The following TRPC4 variants were observed in gnomAD, a reference collection of about 807,000 sequenced individuals.
TRPC4 encodes transient receptor potential cation channel subfamily C member 4, also known as short transient receptor potential channel 4.
A neutral mutation model predicts 99.4 loss-of-function variants in TRPC4; 49 were observed. That is an observed-to-expected ratio of 0.49 (90% CI 0.39 to 0.63). The LOEUF (loss-of-function observed/expected upper bound fraction) is 0.63. TRPC4 is among the 20% of genes least tolerant of loss of function. The pLI is 0.00. For missense variants in TRPC4, 898 were observed against 1,152.9 expected (o/e 0.78, Z 3.20); for synonymous variants, 454 against 425.9 (o/e 1.07, Z -0.81).
intron 1 of TRPC4, among the ~76,000 whole-genome samples, chr13:37,796,404 A>C (rs1321052400): frequency 6.6e-6 from 1 of 152,132 alleles, no homozygotes; most frequent in Non-Finnish European, 1.5e-5. Context: ...TATGTTCGCT[A>C]CCTGATGCTC....
intron 2 of TRPC4, among the ~76,000 whole-genome samples, chr13:37,759,150 T>C (rs1394727341): frequency 6.6e-6 from 1 of 151,782 alleles, no homozygotes; most frequent in Non-Finnish European, 1.5e-5. Context: ...AAAGTTTATA[T>C]GTGAAAAGTT....
chr13:37,827,212 G>A (rs1566202337), intron 1 of TRPC4, among the ~76,000 whole-genome samples: 1 of 151,844 alleles, frequency 6.6e-6, no homozygotes, highest in Non-Finnish European at 1.5e-5. Context: ...TTTGACTTTG[G>A]TTTCAATGTC....
intron 1 of TRPC4, among the ~76,000 whole-genome samples, chr13:37,809,524 T>G (rs1490942818): frequency 6.6e-6 from 1 of 151,168 alleles, no homozygotes; most frequent in Non-Finnish European, 1.5e-5. Context: ...ACTACCAGAG[T>G]AATTCCACCT....
intron 1 of TRPC4, among the ~76,000 whole-genome samples, chr13:37,862,915 A>G (rs918861341): frequency 2.0e-5 from 3 of 151,478 alleles, no homozygotes; most frequent in Admixed American, 2.0e-4. Flanking sequence ...AACTATATAC[A>G]TGACGGTGGG....
intron 2 of TRPC4, among the ~76,000 whole-genome samples, chr13:37,749,430 G>C (rs1004279868): frequency 2.0e-5 from 3 of 152,110 alleles, no homozygotes; most frequent in Admixed American, 6.6e-5. Context: ...GCTGGTCATA[G>C]ATTGTTAGAC....
intron 2 of TRPC4, among the ~76,000 whole-genome samples, chr13:37,755,520 C>T (rs1316461844): frequency 6.6e-6 from 1 of 151,918 alleles, no homozygotes; most frequent in African/African-American, 2.4e-5. Context: ...GATCCCACCT[C>T]CCCTCAGCCT....
chr13:37,676,327 G>C (rs1953048732), intron 4 of TRPC4, among the ~76,000 whole-genome samples: 1 of 148,242 alleles, frequency 6.7e-6, no homozygotes, highest in Non-Finnish European at 1.5e-5. Context: ...AAGTAAGACT[G>C]ACAGCAAACT....
At chr13:37,837,632 T>C (rs566345684) in intron 1 of TRPC4, among the ~76,000 whole-genome samples, 1 of 152,320 alleles carries the variant, frequency 6.6e-6, no homozygotes, top group South Asian at 2.1e-4. Flanking sequence ...ATTTAGGAAA[T>C]AACTAAGCTG....
intron 4 of TRPC4, among the ~76,000 whole-genome samples, chr13:37,675,373 G>A (rs142163388): frequency 0.013 from 1,956 of 152,278 alleles, 25 homozygotes; most frequent in Non-Finnish European, 0.018. Flanking sequence ...CTGCGGCAGA[G>A]TATGCAAGGA....
intron 4 of TRPC4, 107 bp from the exon 5 acceptor site, chr13:37,674,474 G>A (rs1225060096): frequency 8.3e-7 from 1 of 1,207,946 alleles, no homozygotes; most frequent in Non-Finnish European, 1.1e-6. Context: ...AGACCACATT[G>A]TTACACTAAA....
chr13:37,827,857 G>GCC (rs1958287688), intron 1 of TRPC4, among the ~76,000 whole-genome samples: 1 of 152,196 alleles, frequency 6.6e-6, no homozygotes, highest in African/African-American at 2.4e-5. Context: ...AATGGCGGGT[G>GCC]CCCCTCCCCT....
At chr13:37,642,418 A>G (rs1159264754) in intron 8 of TRPC4, among the ~76,000 whole-genome samples, 1 of 152,004 alleles carries the variant, frequency 6.6e-6, no homozygotes, top group Non-Finnish European at 1.5e-5. Flanking sequence ...CTGAGAAGCC[A>G]CTCTGATTTG....
At chr13:37,722,377 CA>C (rs35088140) in intron 3 of TRPC4, among the ~76,000 whole-genome samples, 1 of 152,032 alleles carries the variant, frequency 6.6e-6, no homozygotes, top group East Asian at 1.9e-4. Context: ...TTTGGCAGGG[CA>C]AAAAAGGCTT....
Position 37,692,031 on chromosome 13 carries a change from ATGGT to A in TRPC4, c.1198_1201del (p.Thr400SerfsTer5). 1.2e-6 allele frequency: 2 copies of A among 1,613,986 alleles called. No homozygotes were observed. Among genetic ancestry groups the A allele is most frequent in the Non-Finnish European group, 1.7e-6 (2 of 1,179,888 alleles). On this transcript the variant is annotated frameshift_variant, in exon 4 of 11. Transcript: ENST00000379705. LOFTEE classifies it high-confidence loss of function. ...CCACGGTAATATCATCCACTCGACGATGGTTGGTGGTGGACCTTGCCTGTTCAAG... is the reference window on the plus strand; with the variant it reads ...CCACGGTAATATCATCCACTCGACGATGGTGGTGGACCTTGCCTGTTCAAG...
At chr13:37,812,575 G>A (rs1465266897) in intron 1 of TRPC4, among the ~76,000 whole-genome samples, 1 of 151,928 alleles carries the variant, frequency 6.6e-6, no homozygotes, top group East Asian at 1.9e-4. Flanking sequence ...GCAATAGAAA[G>A]TATCCAAATG....
intron 3 of TRPC4, among the ~76,000 whole-genome samples, chr13:37,723,205 A>G (rs1954933194): frequency 6.6e-6 from 1 of 152,190 alleles, no homozygotes. Context: ...AAATAACAAA[A>G]GCATATGATT....
At position 37,632,976 on chromosome 13, in the gene TRPC4, C is replaced by G. The variant is rs1951426236; in HGVS notation, c.*3927G>C. ...ATAATGTGATGCCTCATCCAAATAT[C>G]TAGATGAGGAGGTTTTTGTTTAAGC... On this transcript the variant is annotated 3_prime_UTR_variant, in exon 11 of 11. Coordinates refer to ENST00000379705, the MANE Select transcript of TRPC4 (RefSeq NM_016179.4). Among the ~76,000 whole-genome samples the G allele has an allele frequency of 1.3e-5, 2 of 152,094 alleles. No individual in the cohort carries two copies. The highest frequency in any genetic ancestry group is 4.1e-4 in the South Asian group (2 of 4,824).
At chr13:37,749,475 G>C (rs537804082) in intron 2 of TRPC4, among the ~76,000 whole-genome samples, 45 of 152,166 alleles carry the variant, frequency 3.0e-4, no homozygotes, top group South Asian at 6.2e-4. Context: ...GACTCCGTGG[G>C]GGACTCTGCT....
At chr13:37,686,450 C>CAT (rs1313248891) in intron 4 of TRPC4, among the ~76,000 whole-genome samples, 4 of 151,504 alleles carry the variant, frequency 2.6e-5, no homozygotes, top group Non-Finnish European at 5.9e-5. Flanking sequence ...TATACACACA[C>CAT]ATATATATAC....
Sources: allele counts gnomAD v4.1 joint callset (sites outside exome capture counted in the v4.1 genomes callset), GRCh38; gene constraint gnomAD v4.1.1; transcripts MANE v1.5; gene names NCBI Gene and HGNC (gene_info 2026-07-23, HGNC 2026-07-21).